The following ADAM2 variants were observed in gnomAD, a reference collection of about 807,000 sequenced individuals.
The protein encoded by ADAM2 is disintegrin and metalloproteinase domain-containing protein 2.
ADAM2 carries 101 observed loss-of-function variants against 99.3 expected under a neutral mutation model. The observed-to-expected ratio is 1.02, with a 90% CI of 0.87 to 1.20. The LOEUF (loss-of-function observed/expected upper bound fraction) is 1.20, where lower values mean the gene tolerates loss of function less well. ADAM2 is among the 50% of genes most tolerant of loss of function. The pLI is 0.00. For synonymous variants in ADAM2, 323 were observed against 287.6 expected (o/e 1.12, Z -1.25); for missense variants, 948 against 878.7 (o/e 1.08, Z -1.00).
intron 3 of ADAM2, among the ~76,000 whole-genome samples, chr8:39,832,262 C>A (rs983053613): frequency 1.3e-5 from 2 of 152,138 alleles, no homozygotes; most frequent in Non-Finnish European, 2.9e-5. Flanking sequence ...ACAGTCCAGG[C>A]CTCGTTGTCT....
chr8:39,753,703 T>A (rs1802042508), intron 16 of ADAM2, among the ~76,000 whole-genome samples: 1 of 152,258 alleles, frequency 6.6e-6, no homozygotes, highest in Middle Eastern at 3.4e-3. Flanking sequence ...GGGTCCAAGG[T>A]ACAGCACAGC....
In ADAM2 at chr8:39,788,744, T is replaced by C. The variant is rs371570310; in HGVS notation, c.571-4A>G. 2.8e-6 allele frequency: 4 copies of C among 1,442,326 alleles called. No individual in the cohort carries two copies. The Admixed American group carries it at 8.3e-5, about 30-fold the overall frequency. The allele number at this position is 1,442,326 out of a possible 1,614,324, so 89.3% of individuals were successfully genotyped here. The stretch of plus-strand genomic sequence containing the variant: ...TATCAGACCCCATATGATTATACTG[T>C]AAAATATTATTACATTTTAGATATA... On this transcript the variant is annotated splice_region_variant and splice_polypyrimidine_tract_variant and intron_variant, in intron 7 of 20. Coordinates refer to ENST00000265708, the MANE Select transcript of ADAM2 (RefSeq NM_001464.5).
chr8:39,831,664 T>G (rs1185543021), intron 3 of ADAM2, among the ~76,000 whole-genome samples: 1 of 152,030 alleles, frequency 6.6e-6, no homozygotes, highest in Non-Finnish European at 1.5e-5. Flanking sequence ...ATCCTAACCA[T>G]GAAAAATATA....
intron 12 of ADAM2, 99 bp downstream of exon 12, chr8:39,769,292 AT>A (rs1802685207): frequency 1.1e-6 from 1 of 892,494 alleles, no homozygotes; most frequent in Admixed American, 2.4e-5. Flanking sequence ...TTTGCAGAAA[AT>A]TTAGCTTGAT....
chr8:39,788,362 C>T, intron 8 of ADAM2, 111 bp from the exon 9 acceptor site: 2 of 648,728 alleles, frequency 3.1e-6, no homozygotes, highest in South Asian at 3.2e-5. Context: ...AACTATAAGT[C>T]TGCATTTCAT....
intron 2 of ADAM2, among the ~76,000 whole-genome samples, chr8:39,835,303 G>A (rs1487960127): frequency 2.6e-5 from 4 of 152,100 alleles, no homozygotes; most frequent in African/African-American, 9.6e-5. Context: ...CTTTTCAGCT[G>A]TCTCTGTTCT....
chr8:39,777,578 G>A (rs1469213789), intron 10 of ADAM2, among the ~76,000 whole-genome samples: 4 of 152,132 alleles, frequency 2.6e-5, no homozygotes, highest in African/African-American at 9.6e-5. Flanking sequence ...GGTTTAATGA[G>A]TAGAGAAACA....
At chr8:39,783,383 TC>T (rs1803314600) in intron 10 of ADAM2, among the ~76,000 whole-genome samples, 1 of 152,184 alleles carries the variant, frequency 6.6e-6, no homozygotes, top group African/African-American at 2.4e-5. Flanking sequence ...ATTATGGACC[TC>T]TTTTTCCTTT....
At chr8:39,770,356 C>T (rs111344793) in intron 11 of ADAM2, among the ~76,000 whole-genome samples, 2,237 of 152,240 alleles carry the variant, frequency 0.015, 63 homozygotes, top group African/African-American at 0.051. Flanking sequence ...GTTTCTCTGG[C>T]GTTATCACCT....
At chr8:39,807,463 T>C (rs923119208) in intron 7 of ADAM2, among the ~76,000 whole-genome samples, 12 of 152,154 alleles carry the variant, frequency 7.9e-5, no homozygotes, top group African/African-American at 2.4e-4. Context: ...TGGAGTTCTA[T>C]GGAGTAAATT....
intron 10 of ADAM2, among the ~76,000 whole-genome samples, chr8:39,779,656 A>C (rs938254756): frequency 3.3e-5 from 5 of 152,134 alleles, no homozygotes; most frequent in South Asian, 4.1e-4. Flanking sequence ...CAGAGCAGAC[A>C]ATTTTCTTTT....
chr8:39,796,550 T>C (rs937832027), intron 7 of ADAM2, among the ~76,000 whole-genome samples: 1 of 152,170 alleles, frequency 6.6e-6, no homozygotes, highest in Non-Finnish European at 1.5e-5. Context: ...CCTTTGAGTA[T>C]ATACCCAGTA....
chr8:39,753,270 G>A (rs1358125042), intron 16 of ADAM2, among the ~76,000 whole-genome samples: 1 of 152,172 alleles, frequency 6.6e-6, no homozygotes, highest in Admixed American at 6.5e-5. Context: ...TTAGCAAGAA[G>A]AGTGGCAGCA....
At chr8:39,746,703 T>C in intron 18 of ADAM2, 72 bp from the exon 19 acceptor site, 1 of 1,166,736 alleles carries the variant, frequency 8.6e-7, no homozygotes, top group Non-Finnish European at 1.2e-6. Context: ...TGTATTTTAC[T>C]ACGTCTACCA....
At position 39,787,056 on chromosome 8, in the gene ADAM2, CTT is replaced by C; in HGVS notation, c.810-3_810-2del. ...AACATAATTTGACTTTTCTCTGTAA[CTT>C]AAGTTTAAAAAGGGATCATAATCAT... is the stretch of plus-strand genomic sequence containing the variant. On this transcript the variant is annotated splice_acceptor_variant and splice_polypyrimidine_tract_variant and intron_variant, in intron 9 of 20. Transcript: ENST00000265708. LOFTEE classifies it high-confidence loss of function. 3 of 1,584,320 alleles carry C rather than the reference CTT, an allele frequency of 1.9e-6. No individual in the cohort carries two copies. Among genetic ancestry groups the C allele is most frequent in the African/African-American group, 1.3e-5 (1 of 74,074 alleles).
At chr8:39,833,174 T>A (rs1805685283) in intron 3 of ADAM2, among the ~76,000 whole-genome samples, 1 of 151,744 alleles carries the variant, frequency 6.6e-6, no homozygotes, top group South Asian at 2.1e-4. Flanking sequence ...AGGCAGCACT[T>A]TTTTTCTTCA....
At chr8:39,823,599 T>C (rs1805285782) in intron 4 of ADAM2, among the ~76,000 whole-genome samples, 4 of 151,982 alleles carry the variant, frequency 2.6e-5, no homozygotes, top group Admixed American at 2.0e-4. Flanking sequence ...GAGTTATGTA[T>C]GGAAGAATGA....
intron 1 of ADAM2, 133 bp downstream of exon 1, chr8:39,837,998 G>T: frequency 1.1e-6 from 1 of 947,128 alleles, no homozygotes; most frequent in Non-Finnish European, 1.6e-6. Context: ...GCAATGTCGG[G>T]GATGAGCTTG....
chr8:39,811,179 A>G (rs986672089), intron 6 of ADAM2, among the ~76,000 whole-genome samples: 2 of 152,226 alleles, frequency 1.3e-5, no homozygotes, highest in Non-Finnish European at 2.9e-5. Flanking sequence ...AATAAACTAG[A>G]AAATCTAGAA....
Sources: allele counts gnomAD v4.1 joint callset (sites outside exome capture counted in the v4.1 genomes callset), GRCh38; gene constraint gnomAD v4.1.1; transcripts MANE v1.5; gene names NCBI Gene and HGNC (gene_info 2026-07-23, HGNC 2026-07-21).